The following SPMIP2 variants were observed in gnomAD, a reference collection of about 807,000 sequenced individuals.
SPMIP2 encodes sperm microtubule inner protein 2, also known as protein SPMIP2.
At chr4:158,903,604 T>TTA in the SPMIP2 span, among the ~76,000 whole-genome samples, 1 of 152,158 alleles carries the variant, frequency 6.6e-6, no homozygotes, top group Non-Finnish European at 1.5e-5. Flanking sequence ...CATCCTTCCT[T>TTA]TATCCCCTTC....
At chr4:158,940,560 T>C in the SPMIP2 span, among the ~76,000 whole-genome samples, 2 of 12,378 alleles carry the variant, frequency 1.6e-4, no homozygotes, top group Non-Finnish European at 3.4e-4. Context: ...TTGTTCCTTC[T>C]TTTTTTTTTT....
At chr4:158,910,316 C>G in the SPMIP2 span, among the ~76,000 whole-genome samples, 2 of 151,746 alleles carry the variant, frequency 1.3e-5, no homozygotes, top group African/African-American at 4.8e-5. Flanking sequence ...TCTTGTTGCC[C>G]AGGCTGGAGT....
chr4:159,011,611 G>A, the SPMIP2 span, among the ~76,000 whole-genome samples: 104 of 152,052 alleles, frequency 6.8e-4, no homozygotes, highest in Non-Finnish European at 1.3e-3. Flanking sequence ...AATACATGCC[G>A]GGCATGGTGG....
chr4:159,000,936 T>C, the SPMIP2 span, among the ~76,000 whole-genome samples: 2 of 152,222 alleles, frequency 1.3e-5, no homozygotes, highest in African/African-American at 4.8e-5. Context: ...TTCTTTTCAA[T>C]TTGGGGCTGT....
chr4:158,905,400 T>G, the SPMIP2 span: 16 of 152,184 alleles, frequency 1.1e-4, no homozygotes, highest in Middle Eastern at 3.4e-3. Flanking sequence ...AGCTCAAGAG[T>G]GTTTCGGTTG....
the SPMIP2 span, among the ~76,000 whole-genome samples, chr4:158,894,527 A>G: frequency 8.5e-5 from 13 of 152,300 alleles, no homozygotes; most frequent in South Asian, 4.1e-4. Flanking sequence ...TATAGACCAC[A>G]GTTCTTATTT....
the SPMIP2 span, among the ~76,000 whole-genome samples, chr4:159,056,934 A>G: frequency 2.0e-5 from 3 of 152,324 alleles, no homozygotes; most frequent in Non-Finnish European, 2.9e-5. Context: ...TAAAATAGAT[A>G]CTATTCTTCT....
At chr4:158,958,588 T>C in the SPMIP2 span, among the ~76,000 whole-genome samples, 2 of 152,176 alleles carry the variant, frequency 1.3e-5, no homozygotes, top group Non-Finnish European at 2.9e-5. Flanking sequence ...GCTGAACATA[T>C]TGAGTGAATG....
the SPMIP2 span, among the ~76,000 whole-genome samples, chr4:159,027,377 A>G: frequency 2.6e-5 from 4 of 152,224 alleles, no homozygotes; most frequent in Non-Finnish European, 2.9e-5. Flanking sequence ...AGACTGAAGA[A>G]TCATGGTAAG....
the SPMIP2 span, among the ~76,000 whole-genome samples, chr4:159,008,441 C>T: frequency 4.1e-4 from 63 of 152,264 alleles, no homozygotes; most frequent in Middle Eastern, 3.4e-3. Flanking sequence ...TGGTGGCACA[C>T]GCCTATAATC....
chr4:158,995,934 G>A, the SPMIP2 span, among the ~76,000 whole-genome samples: 1 of 149,866 alleles, frequency 6.7e-6, no homozygotes, highest in East Asian at 2.0e-4. Context: ...AAACTTTAAA[G>A]TACAATTTGA....
the SPMIP2 span, among the ~76,000 whole-genome samples, chr4:158,980,071 T>C: frequency 1.3e-5 from 2 of 152,118 alleles, no homozygotes; most frequent in Non-Finnish European, 2.9e-5. Context: ...CCCCTCACAG[T>C]GTAAACAAAG....
the SPMIP2 span, among the ~76,000 whole-genome samples, chr4:158,992,241 C>G: frequency 5.9e-5 from 9 of 152,194 alleles, no homozygotes; most frequent in Admixed American, 3.3e-4. Context: ...ATGAGTGCAC[C>G]ATGAAGGTGG....
chr4:158,917,286 G>C, the SPMIP2 span, among the ~76,000 whole-genome samples: 1 of 151,824 alleles, frequency 6.6e-6, no homozygotes, highest in South Asian at 2.1e-4. Context: ...AACTAGCTGG[G>C]TGTGGTGGTG....
the SPMIP2 span, among the ~76,000 whole-genome samples, chr4:158,928,014 ACCT>A: frequency 6.6e-6 from 1 of 151,824 alleles, no homozygotes; most frequent in East Asian, 1.9e-4. Flanking sequence ...TGCAGCCTGA[ACCT>A]CCTCAATGAG....
the SPMIP2 span, among the ~76,000 whole-genome samples, chr4:158,922,178 G>A: frequency 1.4e-4 from 22 of 152,118 alleles, no homozygotes; most frequent in South Asian, 6.2e-4. Context: ...GTGAGCCACC[G>A]CGCCCAGCCT....
At chr4:158,923,221 G>A in the SPMIP2 span, among the ~76,000 whole-genome samples, 2 of 152,138 alleles carry the variant, frequency 1.3e-5, no homozygotes, top group Non-Finnish European at 2.9e-5. Context: ...TTCTAGGATT[G>A]TTTCGACTAT....
chr4:158,984,680 G>A, the SPMIP2 span, among the ~76,000 whole-genome samples: 267 of 151,898 alleles, frequency 1.8e-3, no homozygotes, highest in Middle Eastern at 6.8e-3. Flanking sequence ...AGAGAAAGCA[G>A]GAAAGATCCA....
the SPMIP2 span, among the ~76,000 whole-genome samples, chr4:158,935,725 C>T: frequency 6.6e-6 from 1 of 152,176 alleles, no homozygotes; most frequent in Non-Finnish European, 1.5e-5. Context: ...GCGGCCTGAA[C>T]GTCTGGGAAA....
Sources: gnomAD v4.1 joint callset for allele counts (sites outside exome capture counted in the v4.1 genomes callset) on GRCh38, gnomAD v4.1.1 for gene constraint, MANE v1.5 for transcripts, NCBI Gene and HGNC (gene_info 2026-07-23, HGNC 2026-07-21) for gene names.